PDE9A: variants seen among roughly 807,000 people sequenced by gnomAD.
The protein encoded by PDE9A is high affinity cGMP-specific 3',5'-cyclic phosphodiesterase 9A.
In PDE9A, 60 loss-of-function variants were observed where a neutral mutation model predicts 87.4. The ratio of observed to expected loss-of-function variants is 0.69; its 90% CI spans 0.56 to 0.85. PDE9A has a LOEUF of 0.85. Among genes scored for constraint, PDE9A ranks in the 40% least tolerant of loss-of-function variants. PDE9A has a pLI of 0.00. For synonymous variants in PDE9A, 272 were observed against 279.4 expected, an observed-to-expected ratio of 0.97 and a Z score of 0.27; for missense variants, 665 against 779.0, an observed-to-expected ratio of 0.85 and a Z score of 1.74.
chr21:42,719,087 C>T (rs2050229699), intron 4 of PDE9A, among the ~76,000 whole-genome samples: 1 of 151,778 alleles, frequency 6.6e-6, no homozygotes, highest in South Asian at 2.1e-4. Flanking sequence ...TTTGTCTCCT[C>T]CACAGCAGGA....
chr21:42,684,366 G>T (rs546538096), intron 1 of PDE9A, among the ~76,000 whole-genome samples: 1 of 152,162 alleles, frequency 6.6e-6, no homozygotes, highest in African/African-American at 2.4e-5. Context: ...ACCGCTTTTT[G>T]TCCTGTCTTG....
At chr21:42,670,292 T>A (rs1208334170) in intron 1 of PDE9A, among the ~76,000 whole-genome samples, 2 of 146,328 alleles carry the variant, frequency 1.4e-5, no homozygotes, top group African/African-American at 2.6e-5. Context: ...CACATACACA[T>A]TCACACACAT....
chr21:42,691,442 C>T (rs1166818220), intron 3 of PDE9A, among the ~76,000 whole-genome samples: 1 of 151,868 alleles, frequency 6.6e-6, no homozygotes, highest in Admixed American at 6.6e-5. Context: ...GCCCCATCAT[C>T]GTCACCATCC....
chr21:42,763,253 T>C (rs1184660737), intron 14 of PDE9A, among the ~76,000 whole-genome samples: 1 of 152,170 alleles, frequency 6.6e-6, no homozygotes, highest in East Asian at 1.9e-4. Context: ...TCAAACAAGG[T>C]CCACCTCCCG....
intron 3 of PDE9A, among the ~76,000 whole-genome samples, chr21:42,697,940 C>T (rs2060231957): frequency 6.6e-6 from 1 of 152,186 alleles, no homozygotes; most frequent in Non-Finnish European, 1.5e-5. Flanking sequence ...ACAGACTGAC[C>T]CATCCAGACA....
intron 16 of PDE9A, chr21:42,768,627 G>A (rs1384051940): frequency 1.0e-5 from 10 of 985,388 alleles, no homozygotes; most frequent in Non-Finnish European, 1.2e-5. Context: ...CAGGAGGGCC[G>A]AGACCCAGCA....
chr21:42,698,001 A>G (rs1462595009), intron 3 of PDE9A, among the ~76,000 whole-genome samples: 1 of 152,192 alleles, frequency 6.6e-6, no homozygotes, highest in African/African-American at 2.4e-5. Flanking sequence ...CACAGTGGGC[A>G]CTCAGGAAGA....
At chr21:42,753,893 GAA>G (rs2054712321) in intron 9 of PDE9A, 95 bp from the exon 10 acceptor site, 3 of 583,006 alleles carry the variant, frequency 5.1e-6, no homozygotes, top group Non-Finnish European at 6.0e-6. Flanking sequence ...GAAAGAAAAA[GAA>G]AGAGAACGGG....
chr21:42,723,682 T>C lies in PDE9A; in HGVS notation c.263-8088T>C, dbSNP rs867948982. Among the ~76,000 whole-genome samples the C allele has an allele frequency of 2.6e-4, 39 of 152,316 alleles. No individual in the cohort carries two copies. Among genetic ancestry groups the C allele is most frequent in the African/African-American group, 8.2e-4 (34 of 41,572 alleles). On this transcript the variant is annotated intron_variant, in intron 4 of 19. Coordinates refer to ENST00000291539, the MANE Select transcript of PDE9A (RefSeq NM_002606.3). The surrounding 1 kb of genome is among the most constrained non-coding windows in gnomAD (Gnocchi z 4.3). ...GGAGAACATGTGAGTTGTCTGTGAA[T>C]ATCAGCTTGCTCTCCCTAGGTTTCC...
chr21:42,687,652 T>C (rs1446789790), intron 2 of PDE9A, among the ~76,000 whole-genome samples: 2 of 152,206 alleles, frequency 1.3e-5, no homozygotes, highest in Non-Finnish European at 2.9e-5. Context: ...CCCAACTCAA[T>C]AAAGTAGACT....
chr21:42,766,286 C>T (rs1435044512), intron 15 of PDE9A, among the ~76,000 whole-genome samples: 2 of 152,172 alleles, frequency 1.3e-5, no homozygotes, highest in Non-Finnish European at 1.5e-5. Flanking sequence ...GGTCGTTCCA[C>T]TGCACTCCAG....
At chr21:42,693,116 G>A (rs867587591) in intron 3 of PDE9A, among the ~76,000 whole-genome samples, 1 of 152,212 alleles carries the variant, frequency 6.6e-6, no homozygotes, top group Non-Finnish European at 1.5e-5. Context: ...TCACTGCCCC[G>A]ATTTCCACAC....
At chr21:42,715,309 C>A (rs1376966902) in intron 4 of PDE9A, among the ~76,000 whole-genome samples, 2 of 151,662 alleles carry the variant, frequency 1.3e-5, no homozygotes, top group Non-Finnish European at 2.9e-5. Context: ...GCCTCTGCCA[C>A]CGTCAACGTC....
At chr21:42,663,239 A>T (rs2057723328) in intron 1 of PDE9A, among the ~76,000 whole-genome samples, 1 of 149,468 alleles carries the variant, frequency 6.7e-6, no homozygotes, top group South Asian at 2.1e-4. Flanking sequence ...TGCATATCAC[A>T]CACATGCACA....
intron 1 of PDE9A, among the ~76,000 whole-genome samples, chr21:42,655,981 G>A (rs984032560): frequency 2.6e-5 from 4 of 152,172 alleles, no homozygotes; most frequent in African/African-American, 9.7e-5. Flanking sequence ...ATAACTTCTC[G>A]CTCACCTCCC....
In PDE9A at chr21:42,656,874, C is replaced by T. The variant is rs570930354; in HGVS notation, c.69+2991C>T. Among the ~76,000 whole-genome samples, 4 of 152,342 alleles carry T rather than the reference C, an allele frequency of 2.6e-5. No individual in the cohort carries two copies. The East Asian group carries it at 5.8e-4, about 22-fold the overall frequency. On this transcript the variant is annotated intron_variant, in intron 1 of 19. Coordinates refer to ENST00000291539, the MANE Select transcript of PDE9A (RefSeq NM_002606.3). Reference sequence around the variant, plus strand: ...CGAGAACCTTGGGTCAGTTACTTCACTCTGTGCCCCTGTGCTGCTGTGCTA... The same window carrying T: ...CGAGAACCTTGGGTCAGTTACTTCATTCTGTGCCCCTGTGCTGCTGTGCTA...
At chr21:42,745,215 G>A (rs577087746) in intron 8 of PDE9A, among the ~76,000 whole-genome samples, 6 of 152,324 alleles carry the variant, frequency 3.9e-5, no homozygotes, top group African/African-American at 1.2e-4. Context: ...TCAAAGCCCC[G>A]GGGGCCTGGC....
chr21:42,720,051 C>A (rs1017994187), intron 4 of PDE9A, among the ~76,000 whole-genome samples: 3 of 152,184 alleles, frequency 2.0e-5, no homozygotes, highest in Non-Finnish European at 4.4e-5. Context: ...TAAACTTTCC[C>A]AGAGGATTAT....
intron 1 of PDE9A, among the ~76,000 whole-genome samples, chr21:42,662,424 G>A (rs1282812377): frequency 3.9e-5 from 6 of 152,006 alleles, no homozygotes; most frequent in Admixed American, 3.3e-4. Context: ...GACTGTTGCA[G>A]AGGGATGGAG....
Sources: allele counts gnomAD v4.1 joint callset (sites outside exome capture counted in the v4.1 genomes callset), GRCh38; gene constraint gnomAD v4.1.1; non-coding constraint Gnocchi (gnomAD v3.1); transcripts MANE v1.5; gene names NCBI Gene and HGNC (gene_info 2026-07-23, HGNC 2026-07-21).